The following KRTAP10-12 variants were observed in gnomAD, a reference collection of about 807,000 sequenced individuals.
The protein encoded by KRTAP10-12 is keratin-associated protein 10-12.
For synonymous variants in KRTAP10-12, 142 were observed against 139.1 expected (o/e 1.02, Z -0.14); for missense variants, 311 against 324.4 (o/e 0.96, Z 0.32).
chr21:44,697,924 C>T lies in KRTAP10-12; in HGVS notation c.723C>T (p.Ser241=). 2 of 1,612,062 alleles carry T rather than the reference C, an allele frequency of 1.2e-6. No homozygotes were observed. Among genetic ancestry groups the T allele is most frequent in the African/African-American group, 1.3e-5 (1 of 75,020 alleles). Residue 241 remains serine (S), a synonymous_variant, in exon 1 of 1, where the codon TCC becomes TCT. Transcript: ENST00000400365. The part of the protein sequence containing the change: ...CGSLLCRPTC[S]RLAC ...CCCTCCTCTGCCGCCCCACATGTTCCCGCCTGGCCTGCTGAGGCCTCTGCT... is the reference window on the plus strand; with the variant it reads ...CCCTCCTCTGCCGCCCCACATGTTCTCGCCTGGCCTGCTGAGGCCTCTGCT...
Position 44,697,303 on chromosome 21 carries a change from G to T in KRTAP10-12, c.102G>T (p.Glu34Asp), listed in dbSNP as rs782709567. ...CCTGGCAGGTGGACGACTGCCCAGAGAGCTGCTGTGAGCCCCCCTGCTGCG... is the reference window on the plus strand; with the variant it reads ...CCTGGCAGGTGGACGACTGCCCAGATAGCTGCTGTGAGCCCCCCTGCTGCG... ...SDSWQVDDCP[E>D]SCCEPPCCAP... The change falls in exon 1 of 1, where the codon GAG (glutamate) becomes GAT (aspartate). Residue 34 changes from glutamate (E) to aspartate (D), a missense_variant. Coordinates refer to ENST00000400365, the MANE Select transcript of KRTAP10-12 (RefSeq NM_198699.1). 1 of 1,613,366 alleles carries T rather than the reference G, an allele frequency of 6.2e-7. No individual in the cohort carries two copies. Among genetic ancestry groups the T allele is most frequent in the Admixed American group, 1.7e-5 (1 of 59,998 alleles).
rs201500011 is a variant in KRTAP10-12, at chr21:44,697,854, C to T, written c.653C>T (p.Thr218Ile). 2.5e-6 allele frequency: 4 copies of T among 1,603,994 alleles called. No homozygotes were observed. The highest frequency in any genetic ancestry group is 8.5e-7 in the Non-Finnish European group (1 of 1,174,996). The change falls in exon 1 of 1, where the codon ACC becomes ATC. Residue 218 changes from threonine to isoleucine, a missense_variant. Transcript: ENST00000400365. ...CCCGTCCCCTCCTGCTGTGTCCCCA[C>T]CTCCTCCTGCCAGCCAAGCTGCGGC... ...RVPVPSCCVP[T>I]SSCQPSCGRL...
Position 44,698,024 on chromosome 21 carries a change from C to A in KRTAP10-12, c.*85C>A. 1 of 1,483,660 alleles carries A rather than the reference C, an allele frequency of 6.7e-7. No individual in the cohort carries two copies. The highest frequency in any genetic ancestry group is 9.1e-7 in the Non-Finnish European group (1 of 1,093,242). The allele number at this position is 1,483,660 out of a possible 1,614,324, so 91.9% of individuals were successfully genotyped here. On this transcript the variant is annotated 3_prime_UTR_variant, in exon 1 of 1. Coordinates refer to ENST00000400365, the MANE Select transcript of KRTAP10-12 (RefSeq NM_198699.1). Reference sequence around the variant, plus strand: ...CACTATGAGTCCCCCACCTCTCCCACTACTGGCCCCTCGGCTGCTCTGGTG... The same window carrying A: ...CACTATGAGTCCCCCACCTCTCCCAATACTGGCCCCTCGGCTGCTCTGGTG...
Position 44,697,359 on chromosome 21 carries a change from C to G in KRTAP10-12, c.158C>G (p.Thr53Ser), listed in dbSNP as rs781903322. 6.2e-7 allele frequency: 1 copy of G among 1,613,242 alleles called. No individual in the cohort carries two copies. The highest frequency in any genetic ancestry group is 1.1e-5 in the South Asian group (1 of 91,044). The change falls in exon 1 of 1, where the codon ACC (threonine) becomes AGC (serine). Residue 53 changes from threonine to serine, a missense_variant. Transcript: ENST00000400365. Reference protein sequence around the residue: ...APAPCLSLVCTPVSRVSSPCC... With the variant: ...APAPCLSLVCSPVSRVSSPCC... Reference sequence around the variant, plus strand: ...GCCCCCTGCCTGAGCCTGGTCTGCACCCCAGTGAGCCGTGTATCCAGCCCC... The same window carrying G: ...GCCCCCTGCCTGAGCCTGGTCTGCAGCCCAGTGAGCCGTGTATCCAGCCCC...
chr21:44,697,516 C>A lies in KRTAP10-12; in HGVS notation c.315C>A (p.Cys105Ter). The A allele has an allele frequency of 1.2e-6, 2 of 1,613,084 alleles. No homozygotes were observed. Among genetic ancestry groups the A allele is most frequent in the East Asian group, 2.2e-5 (1 of 44,846 alleles). ...CTSSPCQQAC[C>*]VPVCCKTVCC... ...CCTCCCCCTGCCAGCAGGCCTGCTG[C>A]GTGCCCGTCTGCTGCAAGACTGTCT... The change falls in exon 1 of 1, where the codon TGC (cysteine) becomes TGA (stop). Residue 105 changes from cysteine to a stop codon, truncating the protein, a stop_gained. Transcript: ENST00000400365. LOFTEE classifies it low-confidence loss of function (END_TRUNC).
chr21:44,697,494 C>T lies in KRTAP10-12; in HGVS notation c.293C>T (p.Ser98Phe), dbSNP rs782167049. 1.2e-6 allele frequency: 2 copies of T among 1,614,040 alleles called. No individual in the cohort carries two copies. Among genetic ancestry groups the T allele is most frequent in the South Asian group, 1.1e-5 (1 of 91,064 alleles). ...SSCQPACCTS[S>F]PCQQACCVPV... The stretch of plus-strand genomic sequence containing the variant: ...TGCCAGCCGGCTTGCTGCACCTCCT[C>T]CCCCTGCCAGCAGGCCTGCTGCGTG... Residue 98 changes from serine (S) to phenylalanine (F), a missense_variant, in exon 1 of 1, where the codon TCC becomes TTC. Physicochemically the swap from Ser to Phe is radical, Grantham distance 155 (BLOSUM62 -2). Coordinates refer to ENST00000400365, the MANE Select transcript of KRTAP10-12 (RefSeq NM_198699.1).
rs782805259 is a variant in KRTAP10-12, at chr21:44,697,311, G to C, written c.110G>C (p.Cys37Ser). 6.2e-7 allele frequency: 1 copy of C among 1,613,638 alleles called. No homozygotes were observed. The highest frequency in any genetic ancestry group is 1.1e-5 in the South Asian group (1 of 91,048). The change falls in exon 1 of 1, where the codon TGT (cysteine) becomes TCT (serine). Residue 37 changes from cysteine (C) to serine (S), a missense_variant. Coordinates refer to ENST00000400365, the MANE Select transcript of KRTAP10-12 (RefSeq NM_198699.1). ...GTGGACGACTGCCCAGAGAGCTGCT[G>C]TGAGCCCCCCTGCTGCGCCCCGGCC... ...WQVDDCPESC[C>S]EPPCCAPAPC... is the part of the protein sequence containing the mutation.
Position 44,697,394 on chromosome 21 carries a change from G to C in KRTAP10-12, c.193G>C (p.Val65Leu). Residue 65 changes from valine (V) to leucine (L), a missense_variant, in exon 1 of 1, where the codon GTG becomes CTG. Transcript: ENST00000400365. Reference protein sequence around the residue: ...VSRVSSPCCRVTCEPSPCQSG... With the variant: ...VSRVSSPCCRLTCEPSPCQSG... ...CCGTGTATCCAGCCCCTGCTGCCGAGTGACCTGTGAGCCCAGCCCCTGCCA... is the reference window on the plus strand; with the variant it reads ...CCGTGTATCCAGCCCCTGCTGCCGACTGACCTGTGAGCCCAGCCCCTGCCA... 1 of 1,613,606 alleles carries C rather than the reference G, an allele frequency of 6.2e-7. No individual in the cohort carries two copies. The highest frequency in any genetic ancestry group is 1.1e-5 in the South Asian group (1 of 91,064).
At position 44,697,294 on chromosome 21, in the gene KRTAP10-12, C is replaced by A; in HGVS notation, c.93C>A (p.Asp31Glu). The A allele has an allele frequency of 6.2e-7, 1 of 1,613,906 alleles. No homozygotes were observed. The highest frequency in any genetic ancestry group is 8.5e-7 in the Non-Finnish European group (1 of 1,180,004). The change falls in exon 1 of 1, where the codon GAC becomes GAA. Residue 31 changes from aspartate to glutamate, a missense_variant. Physicochemically the swap from Asp to Glu is conservative, Grantham distance 45. Coordinates refer to ENST00000400365, the MANE Select transcript of KRTAP10-12 (RefSeq NM_198699.1). ...DSCSDSWQVD[D>E]CPESCCEPPC... ...GCTCCGACTCCTGGCAGGTGGACGA[C>A]TGCCCAGAGAGCTGCTGTGAGCCCC...
In KRTAP10-12 at chr21:44,697,290, A is replaced by T. The variant is rs1987395520; in HGVS notation, c.89A>T (p.Asp30Val). ...TCTTGCTCCGACTCCTGGCAGGTGG[A>T]CGACTGCCCAGAGAGCTGCTGTGAG... ...CDSCSDSWQVDDCPESCCEPP... is the reference protein window; with the variant it reads ...CDSCSDSWQVVDCPESCCEPP... The change falls in exon 1 of 1, where the codon GAC becomes GTC. Residue 30 changes from aspartate (D) to valine (V), a missense_variant. By Grantham distance (152) the Asp-to-Val change is radical. Transcript: ENST00000400365. 6.2e-7 allele frequency: 1 copy of T among 1,613,664 alleles called. No individual in the cohort carries two copies.
chr21:44,697,926 G>A lies in KRTAP10-12; in HGVS notation c.725G>A (p.Arg242His), dbSNP rs782691238. The A allele has an allele frequency of 2.2e-5, 36 of 1,611,506 alleles. No homozygotes were observed. The highest frequency in any genetic ancestry group is 1.7e-4 in the Middle Eastern group (1 of 6,040). ...CTCCTCTGCCGCCCCACATGTTCCC[G>A]CCTGGCCTGCTGAGGCCTCTGCTCA... Reference protein sequence around the residue: ...GSLLCRPTCSRLAC With the variant: ...GSLLCRPTCSHLAC The change falls in exon 1 of 1, where the codon CGC becomes CAC. Residue 242 changes from arginine to histidine, a missense_variant. By Grantham distance (29) the Arg-to-His change is conservative. Transcript: ENST00000400365.
rs782486202 is a variant in KRTAP10-12 at position 44,697,870 on chromosome 21, A to C, written c.669A>C (p.Pro223=). ...GTGTCCCCACCTCCTCCTGCCAGCC[A>C]AGCTGCGGCCGCCTGGCCTCCTGCG... ...SCCVPTSSCQ[P]SCGRLASCGS... The change falls in exon 1 of 1, where the codon CCA becomes CCC. Residue 223 remains proline, a synonymous_variant. Transcript: ENST00000400365. The C allele has an allele frequency of 3.7e-5, 59 of 1,603,078 alleles. No individual in the cohort carries two copies. The highest frequency in any genetic ancestry group is 6.7e-5 in the East Asian group (3 of 44,504).
chr21:44,697,373 G>C lies in KRTAP10-12; in HGVS notation c.172G>C (p.Val58Leu). The C allele has an allele frequency of 6.2e-7, 1 of 1,613,318 alleles. No homozygotes were observed. Among genetic ancestry groups the C allele is most frequent in the African/African-American group, 1.3e-5 (1 of 74,992 alleles). The change falls in exon 1 of 1, where the codon GTA becomes CTA. Residue 58 changes from valine (V) to leucine (L), a missense_variant. By Grantham distance (32) the Val-to-Leu change is conservative. Coordinates refer to ENST00000400365, the MANE Select transcript of KRTAP10-12 (RefSeq NM_198699.1). ...LSLVCTPVSRVSSPCCRVTCE... is the reference protein window; with the variant it reads ...LSLVCTPVSRLSSPCCRVTCE... ...CCTGGTCTGCACCCCAGTGAGCCGTGTATCCAGCCCCTGCTGCCGAGTGAC... is the reference window on the plus strand; with the variant it reads ...CCTGGTCTGCACCCCAGTGAGCCGTCTATCCAGCCCCTGCTGCCGAGTGAC...
chr21:44,697,638 C>T lies in KRTAP10-12; in HGVS notation c.437C>T (p.Pro146Leu), dbSNP rs35076450. The part of the protein sequence containing the change: ...SCQPACCISS[P>L]CQQSCCVPVC... ...CAGCCAGCTTGCTGCATCTCCTCCC[C>T]GTGTCAACAGTCCTGCTGTGTGCCC... is the stretch of plus-strand genomic sequence containing the variant. Residue 146 changes from proline (P) to leucine (L), a missense_variant, in exon 1 of 1, where the codon CCG (proline) becomes CTG (leucine). Physicochemically the swap from Pro to Leu is moderately conservative, Grantham distance 98. Transcript: ENST00000400365. 2.1e-5 allele frequency: 34 copies of T among 1,613,618 alleles called. No homozygotes were observed. Among genetic ancestry groups the T allele is most frequent in the Admixed American group, 5.0e-5 (3 of 59,970 alleles).
chr21:44,697,268 T>C lies in KRTAP10-12; in HGVS notation c.67T>C (p.Cys23Arg), dbSNP rs1987393598. The C allele has an allele frequency of 7.4e-6, 12 of 1,613,966 alleles. No individual in the cohort carries two copies. The highest frequency in any genetic ancestry group is 9.3e-6 in the Non-Finnish European group (11 of 1,180,016). Residue 23 changes from cysteine (C) to arginine (R), a missense_variant, in exon 1 of 1, where the codon TGC (cysteine) becomes CGC (arginine). Physicochemically the swap from Cys to Arg is radical, Grantham distance 180. Coordinates refer to ENST00000400365, the MANE Select transcript of KRTAP10-12 (RefSeq NM_198699.1). ...RVCLPGSCDS[C>R]SDSWQVDDCP... Reference sequence around the variant, plus strand: ...CTGCCTTCCTGGTTCCTGTGACTCTTGCTCCGACTCCTGGCAGGTGGACGA... The same window carrying C: ...CTGCCTTCCTGGTTCCTGTGACTCTCGCTCCGACTCCTGGCAGGTGGACGA...
rs994376773 is a variant in KRTAP10-12 at position 44,697,657 on chromosome 21, T to C, written c.456T>C (p.Cys152=). 2 of 1,611,998 alleles carry C rather than the reference T, an allele frequency of 1.2e-6. No homozygotes were observed. Among genetic ancestry groups the C allele is most frequent in the Non-Finnish European group, 1.7e-6 (2 of 1,179,712 alleles). ...CCTCCCCGTGTCAACAGTCCTGCTGTGTGCCCGTCTGCTGCAAGCCCATCT... is the reference window on the plus strand; with the variant it reads ...CCTCCCCGTGTCAACAGTCCTGCTGCGTGCCCGTCTGCTGCAAGCCCATCT... The part of the protein sequence containing the change: ...CISSPCQQSC[C]VPVCCKPICC... The change falls in exon 1 of 1, where the codon TGT becomes TGC. Residue 152 remains cysteine, a synonymous_variant. Transcript: ENST00000400365.
rs1487484066 is a variant in KRTAP10-12, at chr21:44,697,987, A to G, written c.*48A>G. 3.2e-6 allele frequency: 5 copies of G among 1,577,306 alleles called. No homozygotes were observed. The Admixed American group carries it at 8.7e-5, about 27-fold the overall frequency. On this transcript the variant is annotated 3_prime_UTR_variant, in exon 1 of 1. Transcript: ENST00000400365. The stretch of plus-strand genomic sequence containing the variant: ...CCAGCTGCTGCCAGGCATGTCCCCC[A>G]GGGCCACTGGGCACTATGAGTCCCC...
chr21:44,697,388 T>A lies in KRTAP10-12; in HGVS notation c.187T>A (p.Cys63Ser), dbSNP rs781986596. The change falls in exon 1 of 1, where the codon TGC becomes AGC. Residue 63 changes from cysteine (C) to serine (S), a missense_variant. Cys to Ser is a moderately radical substitution (Grantham distance 112, BLOSUM62 -1). Transcript: ENST00000400365. ...AGTGAGCCGTGTATCCAGCCCCTGCTGCCGAGTGACCTGTGAGCCCAGCCC... is the reference window on the plus strand; with the variant it reads ...AGTGAGCCGTGTATCCAGCCCCTGCAGCCGAGTGACCTGTGAGCCCAGCCC... ...TPVSRVSSPC[C>S]RVTCEPSPCQ... 1.1e-5 allele frequency: 18 copies of A among 1,613,424 alleles called. No individual in the cohort carries two copies. In the Middle Eastern group the frequency reaches 7.1e-4, roughly 63 times the overall value.
At position 44,697,227 on chromosome 21, in the gene KRTAP10-12, G is replaced by A; in HGVS notation, c.26G>A (p.Ser9Asn). 6.2e-7 allele frequency: 1 copy of A among 1,614,024 alleles called. No homozygotes were observed. The highest frequency in any genetic ancestry group is 8.5e-7 in the Non-Finnish European group (1 of 1,179,986). MSVCSSDL[S>N]YGSRVCLPGS... ...ATGTCCGTCTGCTCCAGCGACCTGA[G>A]CTATGGCAGCCGCGTCTGCCTTCCT... is the stretch of plus-strand genomic sequence containing the variant. Residue 9 changes from serine (S) to asparagine (N), a missense_variant, in exon 1 of 1, where the codon AGC becomes AAC. Coordinates refer to ENST00000400365, the MANE Select transcript of KRTAP10-12 (RefSeq NM_198699.1).
Sources: allele counts gnomAD v4.1 joint callset, GRCh38; gene constraint gnomAD v4.1.1; transcripts MANE v1.5; gene names NCBI Gene and HGNC (gene_info 2026-07-23, HGNC 2026-07-21).